BRWD1: variants seen among roughly 807,000 people sequenced by gnomAD.
BRWD1 encodes bromodomain and WD repeat-containing protein 1.
BRWD1 carries 82 observed loss-of-function variants against 251.2 expected under a neutral mutation model. The observed-to-expected ratio is 0.33, with a 90% CI of 0.27 to 0.39. The LOEUF (loss-of-function observed/expected upper bound fraction) is 0.39, where lower values mean the gene tolerates loss of function less well. Among genes scored for constraint, BRWD1 ranks in the 10% least tolerant of loss-of-function variants. The pLI, the probability that BRWD1 is intolerant of heterozygous loss-of-function variation, is 1.00. For missense variants in BRWD1, 2,233 were observed against 2,711.6 expected (o/e 0.82, Z 3.92); for synonymous variants, 918 against 902.8 (o/e 1.02, Z -0.30).
intron 37 of BRWD1, among the ~76,000 whole-genome samples, chr21:39,205,047 T>A (rs559745338): frequency 1.3e-5 from 2 of 152,334 alleles, no homozygotes; most frequent in Non-Finnish European, 2.9e-5. Flanking sequence ...TAATTTTACA[T>A]ATTTATAGAA....
At chr21:39,312,999 C>CGGGCG (rs2036560158) in intron 3 of BRWD1, 73 bp downstream of exon 3, 1 of 1,130,038 alleles carries the variant, frequency 8.8e-7, no homozygotes, top group Non-Finnish European at 1.1e-6. Flanking sequence ...GGGCGGGGGG[C>CGGGCG]GCGGGCGAGC....
chr21:39,313,327 G>C (rs779909295), intron 1 of BRWD1, 28 bp from the exon 2 acceptor site: 1 of 1,521,888 alleles, frequency 6.6e-7, no homozygotes, highest in Non-Finnish European at 8.9e-7. Context: ...GTCAGGTCAA[G>C]CCCCGGCGGG....
chr21:39,238,765 AGACAAAAAGAG>A (rs1443742207), intron 21 of BRWD1, among the ~76,000 whole-genome samples, 192 bp from the exon 22 acceptor site: 1 of 152,240 alleles, frequency 6.6e-6, no homozygotes, highest in African/African-American at 2.4e-5. Context: ...TCAAAGCATA[AGACAAAAAGAG>A]AACATCCGTA....
chr21:39,268,792 C>T (rs1186200970), intron 15 of BRWD1, among the ~76,000 whole-genome samples: 1 of 152,096 alleles, frequency 6.6e-6, no homozygotes, highest in African/African-American at 2.4e-5. Context: ...GGAGACCATC[C>T]TGGCTAACAC....
At chr21:39,305,749 G>A (rs1435968714) in intron 4 of BRWD1, among the ~76,000 whole-genome samples, 2 of 151,904 alleles carry the variant, frequency 1.3e-5, no homozygotes, top group Middle Eastern at 3.2e-3. Flanking sequence ...TGTAGTCCCA[G>A]CTACTCAGGA....
chr21:39,232,051 G>A, intron 25 of BRWD1, 126 bp downstream of exon 25: 1 of 901,618 alleles, frequency 1.1e-6, no homozygotes, highest in Non-Finnish European at 1.7e-6. Flanking sequence ...GGTTACAGCA[G>A]AAATGTTATC....
At position 39,188,015 on chromosome 21, in the gene BRWD1, G is replaced by C. The variant is rs180715794; in HGVS notation, c.*8244C>G. 3.1e-6 allele frequency: 3 copies of C among 979,834 alleles called. No homozygotes were observed. In the African/African-American group the frequency reaches 5.4e-5, roughly 18 times the overall value. The allele number at this position is 979,834 out of a possible 1,614,324, so 60.7% of individuals were successfully genotyped here. A position where few individuals can be genotyped will look rare whatever the true frequency, so the allele number is the denominator to read the frequency against. ...CATGCAGACTAAGGCAGTTTTTAGAGGGGGCTTGAAATCACACTGGAGCTC... is the reference window on the plus strand; with the variant it reads ...CATGCAGACTAAGGCAGTTTTTAGACGGGGCTTGAAATCACACTGGAGCTC... On this transcript the variant is annotated 3_prime_UTR_variant, in exon 41 of 41. Coordinates refer to ENST00000342449, the MANE Select transcript of BRWD1 (RefSeq NM_033656.4).
chr21:39,208,620 T>G (rs1243720801), intron 36 of BRWD1, among the ~76,000 whole-genome samples: 1 of 152,194 alleles, frequency 6.6e-6, no homozygotes, highest in Admixed American at 6.5e-5. Context: ...TGGCATGATC[T>G]CAGCTCACTG....
intron 4 of BRWD1, among the ~76,000 whole-genome samples, chr21:39,300,620 A>G (rs1223982092): frequency 1.3e-5 from 2 of 152,204 alleles, no homozygotes; most frequent in Non-Finnish European, 2.9e-5. Context: ...AAAAGAGCAC[A>G]TCTTTACCAG....
intron 13 of BRWD1, among the ~76,000 whole-genome samples, chr21:39,271,414 G>T (rs1027606768): frequency 3.4e-5 from 5 of 148,756 alleles, no homozygotes; most frequent in African/African-American, 9.9e-5. Flanking sequence ...CATCGGCCGG[G>T]CACGGTGGCT....
At chr21:39,258,012 T>C (rs552084411) in intron 18 of BRWD1, among the ~76,000 whole-genome samples, 1 of 152,286 alleles carries the variant, frequency 6.6e-6, no homozygotes, top group African/African-American at 2.4e-5. Flanking sequence ...AGAAACAAAG[T>C]AAATAGTGGA....
chr21:39,234,682 G>C (rs1159980795), intron 23 of BRWD1, among the ~76,000 whole-genome samples: 2 of 152,268 alleles, frequency 1.3e-5, no homozygotes, highest in Middle Eastern at 6.8e-3. Flanking sequence ...CAACAGCTCA[G>C]GGAACATGTT....
intron 29 of BRWD1, 129 bp from the exon 30 acceptor site, chr21:39,218,789 G>C: frequency 1.5e-6 from 1 of 683,138 alleles, no homozygotes; most frequent in Non-Finnish European, 2.2e-6. Context: ...GAGTTCAAAT[G>C]TGCAACTCTT....
chr21:39,289,534 T>C (rs2035742980), intron 8 of BRWD1, among the ~76,000 whole-genome samples: 1 of 152,190 alleles, frequency 6.6e-6, no homozygotes, highest in South Asian at 2.1e-4. Context: ...CATCCCCACC[T>C]AAAGAATATT....
chr21:39,189,404 C>G lies in BRWD1; in HGVS notation c.*6855G>C. Reference sequence around the variant, plus strand: ...GTACCTATACTGACAATTTAGGAACCTAGTAAATACTAATTCTAACACATT... The same window carrying G: ...GTACCTATACTGACAATTTAGGAACGTAGTAAATACTAATTCTAACACATT... On this transcript the variant is annotated 3_prime_UTR_variant, in exon 41 of 41. Transcript: ENST00000342449. 2 of 970,314 alleles carry G rather than the reference C, an allele frequency of 2.1e-6. No homozygotes were observed. Among genetic ancestry groups the G allele is most frequent in the Non-Finnish European group, 2.4e-6 (2 of 816,482 alleles). 60.1% of individuals were successfully genotyped at this position (970,314 alleles called of 1,614,324 possible).
Position 39,199,637 on chromosome 21 carries a change from A to G in BRWD1, c.4779T>C (p.Cys1593=), listed in dbSNP as rs2234546. ...CTCTCTTTCGAGTGGCTTTTCTGCC[A>G]CATCCATTTGCTAATGAAACGGGAC... The part of the protein sequence containing the change: ...KTGPVSLANG[C]GRKATRKRVY... The change falls in exon 40 of 41, where the codon TGT becomes TGC. Residue 1593 remains cysteine, a synonymous_variant. Coordinates refer to ENST00000342449, the MANE Select transcript of BRWD1 (RefSeq NM_033656.4). The G allele has an allele frequency of 2.9e-4, 465 of 1,608,788 alleles. No homozygotes were observed. The East Asian group carries it at 8.4e-3, about 29-fold the overall frequency.
Position 39,193,410 on chromosome 21 carries a change from T to C in BRWD1, c.*2849A>G. On this transcript the variant is annotated 3_prime_UTR_variant, in exon 41 of 41. Coordinates refer to ENST00000342449, the MANE Select transcript of BRWD1 (RefSeq NM_033656.4). ...ACTTCACATTGTAAGTATACCTTTTTAAATAAGGAGGACACGAAAAAAGAA... is the reference window on the plus strand; with the variant it reads ...ACTTCACATTGTAAGTATACCTTTTCAAATAAGGAGGACACGAAAAAAGAA... 5.1e-6 allele frequency: 5 copies of C among 984,742 alleles called. No homozygotes were observed. Among genetic ancestry groups the C allele is most frequent in the Non-Finnish European group, 6.0e-6 (5 of 829,348 alleles). The allele number at this position is 984,742 out of a possible 1,614,324, so 61.0% of individuals were successfully genotyped here.
chr21:39,313,946 CGGGGGCGGAAGCGCGGCCACAAGA>C (rs772821206), upstream of BRWD1: 112 of 341,892 alleles, frequency 3.3e-4, 1 homozygote, highest in East Asian at 8.5e-3. Flanking sequence ...GGGCGGGTGC[CGGGGGCGGAAGCGCGGCCACAAGA>C]GGGGGCGATT....
chr21:39,224,415 A>C lies in BRWD1; in HGVS notation c.3375T>G (p.Pro1125=). 6.3e-7 allele frequency: 1 copy of C among 1,575,062 alleles called. No individual in the cohort carries two copies. Among genetic ancestry groups the C allele is most frequent in the Non-Finnish European group, 8.7e-7 (1 of 1,152,490 alleles). ...TTTAACAAATATATATACCATTATC[A>C]GGAATTGGTTCCATGTCCCATGGGC... is the stretch of plus-strand genomic sequence containing the variant. The part of the protein sequence containing the change: ...KLSPWDMEPI[P]DNVDPPEELG... The change falls in exon 29 of 41, where the codon CCT becomes CCG. Residue 1125 remains proline (P), a synonymous_variant. Coordinates refer to ENST00000342449, the MANE Select transcript of BRWD1 (RefSeq NM_033656.4).
Sources: gnomAD v4.1 joint callset for allele counts (sites outside exome capture counted in the v4.1 genomes callset) on GRCh38, gnomAD v4.1.1 for gene constraint, MANE v1.5 for transcripts, NCBI Gene and HGNC (gene_info 2026-07-23, HGNC 2026-07-21) for gene names.